CFDP1: variants seen among roughly 807,000 people sequenced by gnomAD.
The protein encoded by CFDP1 is heterochromatin-stabilizing protein CFDP1.
In CFDP1, 31 loss-of-function variants were observed where a neutral mutation model predicts 40.1. The observed-to-expected ratio is 0.77, with a 90% CI of 0.58 to 1.04. The LOEUF is 1.04. Ranked by LOEUF, CFDP1 falls within the 50% of genes least tolerant of loss-of-function variation. CFDP1 has a pLI of 0.00. For synonymous variants in CFDP1, 167 were observed against 120.0 expected (o/e 1.39, Z -2.56); for missense variants, 423 against 343.4 (o/e 1.23, Z -1.83).
chr16:75,346,081 A>G (rs2078561601), intron 5 of CFDP1, among the ~76,000 whole-genome samples: 1 of 152,242 alleles, frequency 6.6e-6, no homozygotes, highest in South Asian at 2.1e-4. Flanking sequence ...AGTACTCCCA[A>G]TGCATCTCCC....
chr16:75,393,722 A>G, intron 5 of CFDP1, among the ~76,000 whole-genome samples: 5 of 113,142 alleles, frequency 4.4e-5, no homozygotes, highest in African/African-American at 1.1e-4. Flanking sequence ...TGGGCGACAG[A>G]GCGAGACTCC....
intron 1 of CFDP1, among the ~76,000 whole-genome samples, chr16:75,425,076 A>C (rs1279767529): frequency 6.6e-6 from 1 of 152,066 alleles, no homozygotes; most frequent in Non-Finnish European, 1.5e-5. Context: ...AACTTTTTAC[A>C]CCTAAAAAAA....
intron 5 of CFDP1, among the ~76,000 whole-genome samples, chr16:75,380,777 C>A (rs1325641082): frequency 1.3e-5 from 2 of 152,240 alleles, no homozygotes; most frequent in South Asian, 4.1e-4. Context: ...TTGGCCCAGG[C>A]AAGAGCATCT....
At position 75,433,468 on chromosome 16, in the gene CFDP1, C is replaced by G. The variant is rs1360167358; in HGVS notation, c.-116G>C. 1.1e-6 allele frequency: 1 copy of G among 929,128 alleles called. No homozygotes were observed. The highest frequency in any genetic ancestry group is 1.7e-6 in the Non-Finnish European group (1 of 600,858). The allele number at this position is 929,128 out of a possible 1,614,324, so 57.6% of individuals were successfully genotyped here. A position where few individuals can be genotyped will look rare whatever the true frequency, so the allele number is the denominator to read the frequency against. On this transcript the variant is annotated 5_prime_UTR_variant, in exon 1 of 7. Transcript: ENST00000283882. The stretch of plus-strand genomic sequence containing the variant: ...GGCGGCGACGGCAGCTAGGGCGGCC[C>G]CCGACAGCGCTTTGCACATGCGCAG...
chr16:75,385,833 T>A (rs1043348041), intron 5 of CFDP1, among the ~76,000 whole-genome samples: 1 of 152,202 alleles, frequency 6.6e-6, no homozygotes, highest in African/African-American at 2.4e-5. Flanking sequence ...CATAATCATC[T>A]TCTTAAATGA....
At chr16:75,392,893 C>G (rs1352788533) in intron 5 of CFDP1, among the ~76,000 whole-genome samples, 1 of 152,228 alleles carries the variant, frequency 6.6e-6, no homozygotes, top group Non-Finnish European at 1.5e-5. Context: ...AGCAAGCAGT[C>G]AAATCCTCTT....
At chr16:75,361,339 G>A (rs1231923932) in intron 5 of CFDP1, among the ~76,000 whole-genome samples, 1 of 152,118 alleles carries the variant, frequency 6.6e-6, no homozygotes. Context: ...ATTTAAAGCC[G>A]GGCGCGGTGG....
chr16:75,393,480 T>C (rs2078969166), intron 5 of CFDP1, among the ~76,000 whole-genome samples: 1 of 151,954 alleles, frequency 6.6e-6, no homozygotes, highest in South Asian at 2.1e-4. Context: ...AAATCAACAC[T>C]CTTTTTAAAA....
At chr16:75,367,482 T>G (rs965098766) in intron 5 of CFDP1, among the ~76,000 whole-genome samples, 61 of 139,210 alleles carry the variant, frequency 4.4e-4, no homozygotes, top group Non-Finnish European at 6.3e-4. Context: ...GTGGGAGAGA[T>G]AAAATGAGAC....
At chr16:75,343,144 G>A (rs902765318) in intron 5 of CFDP1, among the ~76,000 whole-genome samples, 2 of 152,164 alleles carry the variant, frequency 1.3e-5, no homozygotes, top group African/African-American at 2.4e-5. Flanking sequence ...ACAGAGACTT[G>A]CTTTGTCCTC....
chr16:75,321,158 TCTCA>T (rs2078360470), intron 5 of CFDP1, among the ~76,000 whole-genome samples: 1 of 152,152 alleles, frequency 6.6e-6, no homozygotes, highest in Non-Finnish European at 1.5e-5. Flanking sequence ...CAAGACAAGA[TCTCA>T]CTATGTTGTT....
At position 75,295,708 on chromosome 16, in the gene CFDP1, A is replaced by T. The variant is rs370738516; in HGVS notation, c.810-1666T>A. Among the ~76,000 whole-genome samples the T allele has an allele frequency of 3.3e-5, 5 of 152,206 alleles. No homozygotes were observed. In the East Asian group the frequency reaches 7.7e-4, roughly 23 times the overall value. On this transcript the variant is annotated intron_variant, in intron 6 of 6. Coordinates refer to ENST00000283882, the MANE Select transcript of CFDP1 (RefSeq NM_006324.3). The stretch of plus-strand genomic sequence containing the variant: ...AGGGCCTGCTCTTAGGTTTGATAAA[A>T]GCCCTTGGGGTCAGGATTGTCAGAT...
intron 5 of CFDP1, among the ~76,000 whole-genome samples, chr16:75,315,207 C>T (rs1221802043): frequency 1.3e-5 from 2 of 151,738 alleles, no homozygotes; most frequent in African/African-American, 4.8e-5. Context: ...ACGGTGTGTG[C>T]CTGTAGTCCC....
chr16:75,425,651 G>A (rs1485321665), intron 1 of CFDP1, among the ~76,000 whole-genome samples: 7 of 143,546 alleles, frequency 4.9e-5, no homozygotes, highest in Non-Finnish European at 7.6e-5. Context: ...TGGACATCCA[G>A]ATGCAAAAGA....
chr16:75,297,376 C>A (rs1320027104), intron 6 of CFDP1, among the ~76,000 whole-genome samples: 2 of 152,146 alleles, frequency 1.3e-5, no homozygotes, highest in Non-Finnish European at 2.9e-5. Context: ...AAACCCAGGG[C>A]AACCGGAACA....
intron 5 of CFDP1, among the ~76,000 whole-genome samples, chr16:75,336,409 G>T (rs370470292): frequency 6.6e-6 from 1 of 152,234 alleles, no homozygotes; most frequent in Non-Finnish European, 1.5e-5. Context: ...TAGGGAGCAA[G>T]AACATTGTAA....
intron 5 of CFDP1, among the ~76,000 whole-genome samples, chr16:75,332,931 T>C (rs1246990748): frequency 6.7e-6 from 1 of 149,478 alleles, no homozygotes; most frequent in Non-Finnish European, 1.5e-5. Flanking sequence ...CCTCAGTCTC[T>C]GGAATAGCTA....
intron 2 of CFDP1, among the ~76,000 whole-genome samples, chr16:75,413,261 C>T (rs867718864): frequency 6.6e-6 from 1 of 151,868 alleles, no homozygotes; most frequent in Non-Finnish European, 1.5e-5. Flanking sequence ...GAACTGAGAG[C>T]TGGAACATAG....
chr16:75,305,554 A>C, intron 5 of CFDP1: 1 of 195,882 alleles, frequency 5.1e-6, no homozygotes. Flanking sequence ...ACTCTAGGCC[A>C]GTTATTTACT....
Sources: gnomAD v4.1 joint callset for allele counts (sites outside exome capture counted in the v4.1 genomes callset) on GRCh38, gnomAD v4.1.1 for gene constraint, MANE v1.5 for transcripts, NCBI Gene and HGNC (gene_info 2026-07-23, HGNC 2026-07-21) for gene names.